The following TENM1 variants were observed in gnomAD, a reference collection of about 807,000 sequenced individuals.
TENM1 encodes the protein teneurin transmembrane protein 1.
Under a neutral mutation model 174.8 loss-of-function variants are expected in TENM1, and 35 were observed. The observed-to-expected ratio is 0.20, with a 90% confidence interval of 0.15 to 0.27. The LOEUF is 0.27. Ranked by LOEUF, TENM1 falls within the 10% of genes least tolerant of loss-of-function variation. TENM1 has a pLI of 1.00. For synonymous variants in TENM1, 781 were observed against 798.7 expected, an observed-to-expected ratio of 0.98 and a Z score of 0.37; for missense variants, 1,633 against 2,130.1, an observed-to-expected ratio of 0.77 and a Z score of 4.59.
the TENM1 span, among the ~76,000 whole-genome samples, chrX:125,189,099 G>T: frequency 4.5e-5 from 5 of 112,143 alleles, no homozygotes; most frequent in Admixed American, 4.7e-4. Flanking sequence ...GAGATAAACA[G>T]AAGACTGGGG....
the TENM1 span, among the ~76,000 whole-genome samples, chrX:125,125,639 C>G: frequency 8.9e-6 from 1 of 111,978 alleles, no homozygotes; most frequent in African/African-American, 3.2e-5. Flanking sequence ...CCAGTGCATG[C>G]CAGAGTGCTT....
the TENM1 span, among the ~76,000 whole-genome samples, chrX:125,031,778 C>T: frequency 1.8e-5 from 2 of 112,274 alleles, no homozygotes; most frequent in Non-Finnish European, 3.8e-5. Context: ...TATTTTCCTA[C>T]TTCTCCTAGG....
chrX:124,997,671 T>TA, the TENM1 span, among the ~76,000 whole-genome samples: 3 of 111,115 alleles, frequency 2.7e-5, no homozygotes, highest in Admixed American at 2.9e-4. Flanking sequence ...GATAAGAACT[T>TA]AGATTGTGTA....
At chrX:125,002,292 T>C in the TENM1 span, among the ~76,000 whole-genome samples, 1 of 111,743 alleles carries the variant, frequency 8.9e-6, no homozygotes, top group Non-Finnish European at 1.9e-5. Flanking sequence ...GTAACTGCTA[T>C]AGAATGCCTA....
chrX:124,737,346 T>C (rs1434852362), intron 3 of TENM1, 149 bp from the exon 7 acceptor site: 2 of 600,366 alleles, frequency 3.3e-6, no homozygotes, highest in Non-Finnish European at 4.9e-6. Flanking sequence ...TCTGTAAAAA[T>C]GCCACTTAAC....
chrX:125,197,266 T>C, the TENM1 span, among the ~76,000 whole-genome samples: 2 of 112,167 alleles, frequency 1.8e-5, no homozygotes, highest in Admixed American at 1.9e-4. Flanking sequence ...TATAAATGCA[T>C]AGAAATTCTA....
chrX:125,106,081 A>T, the TENM1 span, among the ~76,000 whole-genome samples: 1 of 111,615 alleles, frequency 9.0e-6, no homozygotes, highest in East Asian at 2.8e-4. Flanking sequence ...TCCTTGCCTA[A>T]ATGAGTCCTT....
chrX:124,410,861 A>G lies in TENM1; in HGVS notation c.4983-4372T>C, dbSNP rs183140402. Among the ~76,000 whole-genome samples the G allele has an allele frequency of 2.9e-4, 32 of 112,205 alleles. No homozygotes were observed. In the Admixed American group the frequency reaches 3.0e-3, roughly 11 times the overall value. ...ATTCCTCCAGGAAAGCTGAACTTAGATGCTGTGGATGCAGGTTCCACATGG... is the reference window on the plus strand; with the variant it reads ...ATTCCTCCAGGAAAGCTGAACTTAGGTGCTGTGGATGCAGGTTCCACATGG... On this transcript the variant is annotated intron_variant, in intron 25 of 31. Transcript: ENST00000422452.
chrX:124,601,957 C>T (rs1043580278), intron 11 of TENM1, among the ~76,000 whole-genome samples: 1 of 111,235 alleles, frequency 9.0e-6, no homozygotes, highest in Non-Finnish European at 1.9e-5. Flanking sequence ...AAAAGCACTG[C>T]AACTATAACT....
chrX:124,732,469 G>A (rs749096960), intron 4 of TENM1, among the ~76,000 whole-genome samples: 3 of 111,807 alleles, frequency 2.7e-5, no homozygotes, highest in Non-Finnish European at 3.8e-5. Context: ...GACAACCATA[G>A]ATGGCCATGT....
chrX:124,913,041 A>G (rs749750665), intron 1 of TENM1, among the ~76,000 whole-genome samples: 47 of 111,434 alleles, frequency 4.2e-4, no homozygotes, highest in Non-Finnish European at 7.9e-4. Context: ...GTAAAAAAAT[A>G]TAAAATTGGA....
intron 3 of TENM1, among the ~76,000 whole-genome samples, chrX:124,878,506 C>T (rs2057247901): frequency 9.2e-6 from 1 of 109,127 alleles, no homozygotes; most frequent in African/African-American, 3.3e-5. Context: ...TCCCGGTGGT[C>T]ATGAGTTCAC....
At chrX:124,481,710 T>TATATAC (rs753432314) in intron 22 of TENM1, 22 bp downstream of exon 25, 2 of 403,240 alleles carry the variant, frequency 5.0e-6, no homozygotes, top group Non-Finnish European at 8.0e-6. Context: ...TATATATATA[T>TATATAC]ATTTATTTAT....
Position 124,777,339 on chromosome X carries a change from A to T in TENM1, c.536-40142T>A, listed in dbSNP as rs1166684431. Among the ~76,000 whole-genome samples, 3 of 111,295 alleles carry T rather than the reference A, an allele frequency of 2.7e-5. No homozygotes were observed. In the East Asian group the frequency reaches 8.4e-4, roughly 31 times the overall value. On this transcript the variant is annotated intron_variant, in intron 3 of 31. Coordinates refer to ENST00000422452, the Ensembl canonical transcript of TENM1. ...AATTCTGATTGTATTCAATGTAGTT[A>T]TATAAACTTAACAGGAAGGAATGAG...
chrX:124,476,382 A>G (rs927376466), intron 22 of TENM1, among the ~76,000 whole-genome samples: 1 of 112,212 alleles, frequency 8.9e-6, no homozygotes, highest in African/African-American at 3.2e-5. Context: ...AATAAAGTTA[A>G]GATGAATCCC....
At chrX:124,554,162 C>T (rs1041219088) in intron 14 of TENM1, among the ~76,000 whole-genome samples, 3 of 111,940 alleles carry the variant, frequency 2.7e-5, no homozygotes, top group African/African-American at 9.7e-5. Flanking sequence ...TAAATGGATG[C>T]CATAAAAGTC....
intron 3 of TENM1, among the ~76,000 whole-genome samples, chrX:124,879,700 T>G (rs2057270728): frequency 8.9e-6 from 1 of 112,338 alleles, no homozygotes; most frequent in Admixed American, 9.4e-5. Flanking sequence ...TCCATATTGC[T>G]TTCAATAGTG....
chrX:124,718,795 C>T (rs1336778342), intron 4 of TENM1, among the ~76,000 whole-genome samples: 1 of 111,874 alleles, frequency 8.9e-6, no homozygotes, highest in Non-Finnish European at 1.9e-5. Context: ...TTACCAGTAC[C>T]AGGACTAAGT....
chrX:124,941,815 T>A (rs1165731369), intron 1 of TENM1, among the ~76,000 whole-genome samples: 1 of 111,779 alleles, frequency 8.9e-6, no homozygotes, highest in Non-Finnish European at 1.9e-5. Flanking sequence ...ACTGGGTAAT[T>A]TATAAGGAAA....
Sources: gnomAD v4.1 joint callset for allele counts (sites outside exome capture counted in the v4.1 genomes callset) on GRCh38, gnomAD v4.1.1 for gene constraint, MANE v1.5 for transcripts, NCBI Gene and HGNC (gene_info 2026-07-23, HGNC 2026-07-21) for gene names.